Variants in TACC1 observed in about 807,000 individuals in gnomAD.
TACC1 encodes transforming acidic coiled-coil-containing protein 1.
A neutral mutation model predicts 84.4 loss-of-function variants in TACC1; 48 were observed. The observed-to-expected ratio is 0.57, with a 90% confidence interval of 0.45 to 0.72. The LOEUF (loss-of-function observed/expected upper bound fraction) is 0.72. Ranked by LOEUF, TACC1 falls within the 30% of genes least tolerant of loss-of-function variation. The probability of loss-of-function intolerance (pLI) is 0.00; values close to 1 mark genes in which losing one functional copy is unlikely to be tolerated. For synonymous variants in TACC1, 372 were observed against 376.3 expected (o/e 0.99, Z 0.13); for missense variants, 920 against 973.0 (o/e 0.95, Z 0.72).
chr8:38,770,872 C>G (rs761348393), intron 3 of TACC1, among the ~76,000 whole-genome samples: 52 of 152,154 alleles, frequency 3.4e-4, no homozygotes, highest in Non-Finnish European at 5.7e-4. Context: ...CTCTCAGCAG[C>G]TTTTTGCCAA....
rs761682435 is a variant in TACC1, at chr8:38,820,371, C to T, written c.1127C>T (p.Pro376Leu). Residue 376 changes from proline (P) to leucine (L), a missense_variant, in exon 3 of 13, where the codon CCT becomes CTT. Transcript: ENST00000317827. ...QPTDPVARDGPLSQTSSKPDP... is the reference protein window; with the variant it reads ...QPTDPVARDGLLSQTSSKPDP... ...ACAGACCCAGTGGCACGAGACGGGCCTCTCTCCCAAACATCTTCCAAGCCA... is the reference window on the plus strand; with the variant it reads ...ACAGACCCAGTGGCACGAGACGGGCTTCTCTCCCAAACATCTTCCAAGCCA... 3.1e-5 allele frequency: 50 copies of T among 1,613,996 alleles called. No individual in the cohort carries two copies. In the South Asian group the frequency reaches 4.9e-4, roughly 16 times the overall value.
chr8:38,732,930 C>G (rs73609094), intron 1 of TACC1, among the ~76,000 whole-genome samples: 14,560 of 152,230 alleles, frequency 0.096, 754 homozygotes, highest in Middle Eastern at 0.12. Context: ...GGACAAGAGT[C>G]ATAACTCTTG....
chr8:38,745,515 T>G (rs768483617), intron 3 of TACC1: 1 of 685,894 alleles, frequency 1.5e-6, no homozygotes, highest in Admixed American at 2.2e-5. Context: ...AATTTTTGTT[T>G]TCTTGTTTTT....
chr8:38,791,574 T>C (rs896705063), intron 2 of TACC1, among the ~76,000 whole-genome samples: 1 of 152,222 alleles, frequency 6.6e-6, no homozygotes, highest in Non-Finnish European at 1.5e-5. Flanking sequence ...AGGATTTCAG[T>C]GGGCAGAAAG....
At chr8:38,810,343 G>A (rs1225925472) in intron 2 of TACC1, among the ~76,000 whole-genome samples, 1 of 152,084 alleles carries the variant, frequency 6.6e-6, no homozygotes, top group African/African-American at 2.4e-5. Flanking sequence ...GCTGACACCT[G>A]TAGTCTTAGC....
chr8:38,735,429 C>G (rs1211221076), intron 1 of TACC1, among the ~76,000 whole-genome samples: 1 of 152,222 alleles, frequency 6.6e-6, no homozygotes, highest in African/African-American at 2.4e-5. Context: ...GCTGGCCAGA[C>G]TGGCACCCTT....
chr8:38,811,793 G>A (rs186536016), intron 2 of TACC1, among the ~76,000 whole-genome samples: 128 of 152,256 alleles, frequency 8.4e-4, no homozygotes, highest in African/African-American at 2.7e-3. Context: ...GCGATTTTCC[G>A]GGAACAAGGG....
chr8:38,833,382 T>C (rs866546114), intron 6 of TACC1, among the ~76,000 whole-genome samples: 2 of 152,298 alleles, frequency 1.3e-5, no homozygotes, highest in Middle Eastern at 3.4e-3. Context: ...GACTAAGGAA[T>C]GTAAAAAGTT....
Position 38,758,610 on chromosome 8 carries a change from C to T in TACC1, c.26+13117C>T, listed in dbSNP as rs926454795. ...AGGAGAATCACTTGAACCCAGAAGG[C>T]GGAGGTTGTGGTGAGCCAAGATCGG... On this transcript the variant is annotated intron_variant, in intron 3 of 14. Transcript: ENST00000518415. Among the ~76,000 whole-genome samples, 8 of 126,280 alleles carry T rather than the reference C, an allele frequency of 6.3e-5. No homozygotes were observed. In the East Asian group the frequency reaches 1.1e-3, roughly 17 times the overall value. 82.8% of individuals were successfully genotyped at this position (126,280 alleles called of 152,430 possible).
At chr8:38,758,142 C>T (rs1235952403) in intron 3 of TACC1, among the ~76,000 whole-genome samples, 1 of 152,006 alleles carries the variant, frequency 6.6e-6, no homozygotes, top group Non-Finnish European at 1.5e-5. Flanking sequence ...GGAATGCATG[C>T]GTGTTTTGGA....
chr8:38,764,713 T>C (rs937640148), intron 3 of TACC1, among the ~76,000 whole-genome samples: 41 of 152,270 alleles, frequency 2.7e-4, no homozygotes, highest in Admixed American at 2.5e-3. Context: ...ATGCCTGTAA[T>C]CCTAGCACTT....
rs1832772108 is a variant in TACC1, at chr8:38,849,095, TC to T, written c.*1075del. 1 of 152,170 alleles carries T rather than the reference TC, an allele frequency of 6.6e-6. No homozygotes were observed. The highest frequency in any genetic ancestry group is 2.4e-5 in the African/African-American group (1 of 41,430). 9.4% of individuals were successfully genotyped at this position (152,170 alleles called of 1,614,324 possible). On this transcript the variant is annotated 3_prime_UTR_variant, in exon 13 of 13. Transcript: ENST00000317827. ...ATTATAAGGTGAAGAAATGTTTTTT[TC>T]CCAAGTGTGATGCATTGTTCTTCAG...
chr8:38,739,824 A>G (rs1001502507), intron 1 of TACC1, among the ~76,000 whole-genome samples: 3 of 152,198 alleles, frequency 2.0e-5, no homozygotes, highest in African/African-American at 7.2e-5. Context: ...AGAAAGCAGG[A>G]CTGGATAATA....
At chr8:38,757,209 G>A in intron 3 of TACC1, 1 of 262,216 alleles carries the variant, frequency 3.8e-6, no homozygotes, top group Non-Finnish European at 7.5e-6. Flanking sequence ...ACGGCCGGGC[G>A]CCCCACCCCG....
rs35426492 is a variant in TACC1, at chr8:38,850,775, CA to C, written c.*2777del. On this transcript the variant is annotated 3_prime_UTR_variant, in exon 13 of 13. Coordinates refer to ENST00000317827, the MANE Select transcript of TACC1 (RefSeq NM_006283.3). Reference sequence around the variant, plus strand: ...CCTGGGTGACAGCAAGATCTTGTCTCAAAAAAAAAAAAAAAAAAAAAAAAAC... The same window carrying C: ...CCTGGGTGACAGCAAGATCTTGTCTCAAAAAAAAAAAAAAAAAAAAAAAAC... 2,305 of 68,934 alleles carry C rather than the reference CA, an allele frequency of 0.033. 13 individuals carry two copies. The highest frequency in any genetic ancestry group is 0.095 in the African/African-American group (1,963 of 20,610). 4.3% of individuals were successfully genotyped at this position (68,934 alleles called of 1,614,324 possible).
At chr8:38,778,220 A>G (rs1409993936) in intron 3 of TACC1, among the ~76,000 whole-genome samples, 3 of 152,048 alleles carry the variant, frequency 2.0e-5, no homozygotes, top group African/African-American at 7.3e-5. Context: ...TGTTGGGATT[A>G]CAATCATGAG....
chr8:38,747,957 G>A (rs112600040), intron 3 of TACC1, among the ~76,000 whole-genome samples: 23 of 152,186 alleles, frequency 1.5e-4, no homozygotes, highest in African/African-American at 5.3e-4. Context: ...GTAGGGGTAG[G>A]GGGTGTGTGG....
Position 38,750,894 on chromosome 8 carries a change from C to T in TACC1, c.26+5401C>T, listed in dbSNP as rs73611018. On this transcript the variant is annotated intron_variant, in intron 3 of 14. Transcript: ENST00000518415. ...TTCAATAAATTCAATGCAATTCCCA[C>T]GAAAATCGTAACTTTTTTTTTGAAA... is the stretch of plus-strand genomic sequence containing the variant. Among the ~76,000 whole-genome samples, 630 of 152,000 alleles carry T rather than the reference C, an allele frequency of 4.1e-3. 3 individuals carry two copies. The highest frequency in any genetic ancestry group is 0.014 in the African/African-American group (593 of 41,454).
chr8:38,730,256 C>T (rs1291305958), intron 1 of TACC1, among the ~76,000 whole-genome samples: 1 of 152,210 alleles, frequency 6.6e-6, no homozygotes, highest in African/African-American at 2.4e-5. Context: ...GTGGGAGTGC[C>T]AACAAGGCTC....
Sources: gnomAD v4.1 joint callset for allele counts (sites outside exome capture counted in the v4.1 genomes callset) on GRCh38, gnomAD v4.1.1 for gene constraint, MANE v1.5 for transcripts, NCBI Gene and HGNC (gene_info 2026-07-23, HGNC 2026-07-21) for gene names.